DLGAP1: variants seen among roughly 807,000 people sequenced by gnomAD.
The protein encoded by DLGAP1 is DLG associated protein 1, also known as disks large-associated protein 1.
DLGAP1 carries 11 observed loss-of-function variants against 90.8 expected under a neutral mutation model. The observed-to-expected ratio is 0.12, with a 90% CI of 0.08 to 0.20. The LOEUF is 0.20. Among genes scored for constraint, DLGAP1 ranks in the 10% least tolerant of loss-of-function variants. DLGAP1 has a pLI of 1.00. For synonymous variants in DLGAP1, 558 were observed against 540.7 expected (o/e 1.03, Z -0.44); for missense variants, 1,050 against 1,333.8 (o/e 0.79, Z 3.31).
intron 1 of DLGAP1, among the ~76,000 whole-genome samples, chr18:4,180,214 CAG>C (rs1339253179): frequency 1.3e-5 from 2 of 152,158 alleles, no homozygotes; most frequent in African/African-American, 4.8e-5. Context: ...CAGAATGAAA[CAG>C]AGGTGTTCTT....
chr18:4,009,355 A>G (rs749779604), intron 2 of DLGAP1, among the ~76,000 whole-genome samples: 1 of 152,248 alleles, frequency 6.6e-6, no homozygotes, highest in Non-Finnish European at 1.5e-5. Flanking sequence ...GAAAGCATTC[A>G]TTGAGATCCA....
chr18:3,923,869 C>T (rs924197773), intron 3 of DLGAP1, among the ~76,000 whole-genome samples: 5 of 152,250 alleles, frequency 3.3e-5, no homozygotes, highest in East Asian at 1.9e-4. Flanking sequence ...ACATCAAAGT[C>T]GTGGCATCTA....
chr18:4,179,065 G>A (rs990586430), intron 1 of DLGAP1, among the ~76,000 whole-genome samples: 2 of 152,158 alleles, frequency 1.3e-5, no homozygotes, highest in Non-Finnish European at 2.9e-5. Flanking sequence ...CATGTTGAGA[G>A]CAATTTGTGT....
At chr18:4,449,347 T>C (rs10502327) in intron 1 of DLGAP1, among the ~76,000 whole-genome samples, 19,750 of 152,200 alleles carry the variant, frequency 0.13, 1,479 homozygotes, top group South Asian at 0.22. Context: ...GTTGCCTAGT[T>C]GGGAAATGTA....
At chr18:4,202,542 AG>A (rs2077627881) in intron 1 of DLGAP1, among the ~76,000 whole-genome samples, 1 of 152,244 alleles carries the variant, frequency 6.6e-6, no homozygotes, top group Non-Finnish European at 1.5e-5. Context: ...GATCAAAGCT[AG>A]TTGAAATCAA....
chr18:4,408,237 G>A (rs546715696), intron 1 of DLGAP1, among the ~76,000 whole-genome samples: 28 of 152,088 alleles, frequency 1.8e-4, no homozygotes, highest in Non-Finnish European at 2.9e-4. Flanking sequence ...GCATATTCAC[G>A]GTAGTGGTTA....
intron 1 of DLGAP1, among the ~76,000 whole-genome samples, chr18:4,192,794 G>C (rs1162530618): frequency 6.6e-6 from 1 of 152,188 alleles, no homozygotes; most frequent in Non-Finnish European, 1.5e-5. Context: ...AGAGCTGTAA[G>C]GAGATGCCAA....
At chr18:3,999,517 T>C (rs2074137145) in intron 3 of DLGAP1, among the ~76,000 whole-genome samples, 2 of 152,180 alleles carry the variant, frequency 1.3e-5, no homozygotes, top group South Asian at 2.1e-4. Context: ...TTGCCTTACA[T>C]TTCTACTCTT....
At chr18:4,015,481 G>A (rs1000087960) in intron 2 of DLGAP1, among the ~76,000 whole-genome samples, 2 of 152,186 alleles carry the variant, frequency 1.3e-5, no homozygotes, top group Non-Finnish European at 2.9e-5. Context: ...AGCTGTGTGT[G>A]TTGACCACAC....
At chr18:3,888,100 T>A in intron 3 of DLGAP1, among the ~76,000 whole-genome samples, 1 of 92,486 alleles carries the variant, frequency 1.1e-5, no homozygotes, top group South Asian at 4.1e-4. Flanking sequence ...AGAGTGAGAC[T>A]CCATCTCAAA....
chr18:4,122,415 G>A lies in DLGAP1; in HGVS notation c.-159+28765C>T, dbSNP rs188736424. Among the ~76,000 whole-genome samples, 163 of 152,286 alleles carry A rather than the reference G, an allele frequency of 1.1e-3. 1 individual carries two copies. The highest frequency in any genetic ancestry group is 3.8e-3 in the African/African-American group (160 of 41,564). On this transcript the variant is annotated intron_variant, in intron 2 of 12. Coordinates refer to ENST00000315677, the MANE Select transcript of DLGAP1 (RefSeq NM_004746.4). ...TCCCAAGAAAGGCCTTTTCCGCCAC[G>A]ATTACTGTGTTTTCGCTTTCTTATT... is the stretch of plus-strand genomic sequence containing the variant.
chr18:4,178,067 C>T (rs1296714769), intron 1 of DLGAP1, among the ~76,000 whole-genome samples: 1 of 152,032 alleles, frequency 6.6e-6, no homozygotes, highest in Non-Finnish European at 1.5e-5. Flanking sequence ...CCACACCATC[C>T]ACGTGACTTC....
At chr18:3,612,736 T>C (rs180773714) in intron 7 of DLGAP1, among the ~76,000 whole-genome samples, 1 of 152,356 alleles carries the variant, frequency 6.6e-6, no homozygotes, top group East Asian at 1.9e-4. Flanking sequence ...AATCATTTCA[T>C]ACACATTTTT....
intron 1 of DLGAP1, among the ~76,000 whole-genome samples, chr18:4,376,470 A>T (rs1256427167): frequency 6.6e-6 from 1 of 152,168 alleles, no homozygotes; most frequent in Non-Finnish European, 1.5e-5. Flanking sequence ...AGTGGAAATA[A>T]AAGTGATCAA....
At chr18:3,554,962 T>G (rs1419805040) in intron 9 of DLGAP1, among the ~76,000 whole-genome samples, 1 of 152,186 alleles carries the variant, frequency 6.6e-6, no homozygotes, top group African/African-American at 2.4e-5. Context: ...TTTATCAGTC[T>G]GTTTATTTGA....
At chr18:4,371,912 G>A (rs902844511) in intron 1 of DLGAP1, among the ~76,000 whole-genome samples, 1 of 152,192 alleles carries the variant, frequency 6.6e-6, no homozygotes. Context: ...CAAAGTAACA[G>A]GTGTTAATTC....
chr18:4,177,435 CTCTT>C (rs888846966), intron 1 of DLGAP1, among the ~76,000 whole-genome samples: 2 of 151,492 alleles, frequency 1.3e-5, no homozygotes, highest in African/African-American at 4.9e-5. Context: ...TTGGTTTCAA[CTCTT>C]TAGTTAGAGA....
chr18:3,915,335 C>T (rs1411854284), intron 3 of DLGAP1, among the ~76,000 whole-genome samples: 3 of 152,188 alleles, frequency 2.0e-5, no homozygotes, highest in Non-Finnish European at 4.4e-5. Context: ...GCCAAAAGCA[C>T]ACTAGCTGAG....
At chr18:3,807,720 G>C (rs2066633092) in intron 5 of DLGAP1, among the ~76,000 whole-genome samples, 1 of 152,186 alleles carries the variant, frequency 6.6e-6, no homozygotes, top group Non-Finnish European at 1.5e-5. Context: ...GCATGCATTA[G>C]CTATTTATCC....
Sources: gnomAD v4.1 joint callset for allele counts (sites outside exome capture counted in the v4.1 genomes callset) on GRCh38, gnomAD v4.1.1 for gene constraint, MANE v1.5 for transcripts, NCBI Gene and HGNC (gene_info 2026-07-23, HGNC 2026-07-21) for gene names.